TRPM7: variants seen among roughly 807,000 people sequenced by gnomAD.
TRPM7 encodes LTRPC ion channel family member 7.
TRPM7 carries 134 observed loss-of-function variants against 229.7 expected under a neutral mutation model. The ratio of observed to expected loss-of-function variants is 0.58; its 90% confidence interval spans 0.51 to 0.67. The LOEUF (loss-of-function observed/expected upper bound fraction) is 0.67. TRPM7 is among the 30% of genes least tolerant of loss of function. The pLI is 0.00. For missense variants in TRPM7, 1,901 were observed against 2,210.0 expected, an observed-to-expected ratio of 0.86 and a Z score of 2.80; for synonymous variants, 699 against 715.2, an observed-to-expected ratio of 0.98 and a Z score of 0.36.
intron 31 of TRPM7, among the ~76,000 whole-genome samples, chr15:50,576,214 A>G (rs2141515404): frequency 6.6e-6 from 1 of 152,252 alleles, no homozygotes; most frequent in East Asian, 1.9e-4. Flanking sequence ...AGAAAGAAAA[A>G]TCTCTCTTTG....
At chr15:50,590,816 T>G (rs2059469600) in intron 26 of TRPM7, among the ~76,000 whole-genome samples, 1 of 134,036 alleles carries the variant, frequency 7.5e-6, no homozygotes. Context: ...AGAGGGAGAC[T>G]CCGTCTTTTA....
At chr15:50,657,883 T>C in intron 2 of TRPM7, 64 bp from the exon 3 acceptor site, 5 of 1,296,680 alleles carry the variant, frequency 3.9e-6, no homozygotes, top group East Asian at 2.5e-5. Flanking sequence ...TTAAAGTATA[T>C]AAAATACATA....
At chr15:50,599,368 A>C (rs1482158344) in intron 21 of TRPM7, 72 bp from the exon 22 acceptor site, 3 of 1,189,038 alleles carry the variant, frequency 2.5e-6, no homozygotes, top group Admixed American at 5.0e-5. Context: ...AAAAGCTTCT[A>C]ATGTTCTAAT....
chr15:50,590,210 A>T (rs2059452090), intron 26 of TRPM7, among the ~76,000 whole-genome samples: 1 of 152,080 alleles, frequency 6.6e-6, no homozygotes, highest in Non-Finnish European at 1.5e-5. Flanking sequence ...TATAAAACAA[A>T]CCAACATGTG....
intron 9 of TRPM7, 79 bp downstream of exon 9, chr15:50,632,790 T>C: frequency 7.6e-7 from 1 of 1,310,548 alleles, no homozygotes; most frequent in Non-Finnish European, 1.0e-6. Flanking sequence ...AACAAAAGTA[T>C]TTCACCAGTT....
At chr15:50,679,539 T>TATATTATATATATA (rs1491586861) in intron 1 of TRPM7, among the ~76,000 whole-genome samples, 2 of 22,306 alleles carry the variant, frequency 9.0e-5, no homozygotes, top group Non-Finnish European at 1.6e-4. Context: ...TATATATATA[T>TATATTATATATATA]TTTTTTTTTT....
intron 22 of TRPM7, among the ~76,000 whole-genome samples, chr15:50,598,816 C>T (rs866372883): frequency 6.6e-5 from 10 of 152,270 alleles, no homozygotes; most frequent in Non-Finnish European, 1.0e-4. Context: ...GTGTCCTTAG[C>T]TATGAATTAA....
chr15:50,578,652 T>C lies in TRPM7; in HGVS notation c.4605A>G (p.Glu1535=). The C allele has an allele frequency of 6.2e-7, 1 of 1,609,802 alleles. No homozygotes were observed. Among genetic ancestry groups the C allele is most frequent in the Non-Finnish European group, 8.5e-7 (1 of 1,177,452 alleles). ...ACACAGACTCACCATTTAATGTTCC[T>C]TCTTCAGATGGCCTAAAGAAACACC... ...RPSNREMPSE[E]GTLNGLTSPF... Residue 1535 remains glutamate (E), a synonymous_variant, in exon 31 of 39, where the codon GAA becomes GAG. Coordinates refer to ENST00000646667, the MANE Select transcript of TRPM7 (RefSeq NM_017672.6).
In TRPM7 at chr15:50,558,790, G is replaced by A. The variant is rs1468396881; in HGVS notation, c.*2888C>T. 1 of 152,108 alleles carries A rather than the reference G, an allele frequency of 6.6e-6. No individual in the cohort carries two copies. Among genetic ancestry groups the A allele is most frequent in the Non-Finnish European group, 1.5e-5 (1 of 68,078 alleles). The allele number at this position is 152,108 out of a possible 1,614,324, so 9.4% of individuals were successfully genotyped here. Reference sequence around the variant, plus strand: ...TGCCTGTGGTTCCACCTAATCAAGAGGCAGTGGCAGGAGGATTGCTTGAGC... The same window carrying A: ...TGCCTGTGGTTCCACCTAATCAAGAAGCAGTGGCAGGAGGATTGCTTGAGC... On this transcript the variant is annotated 3_prime_UTR_variant, in exon 39 of 39. Transcript: ENST00000646667.
At chr15:50,659,460 A>G (rs1394874885) in intron 2 of TRPM7, among the ~76,000 whole-genome samples, 1 of 152,170 alleles carries the variant, frequency 6.6e-6, no homozygotes, top group Non-Finnish European at 1.5e-5. Flanking sequence ...ACCAAGTGTC[A>G]ATTACCTATT....
chr15:50,657,759 G>T, intron 3 of TRPM7, 22 bp downstream of exon 3: 2 of 1,602,410 alleles, frequency 1.2e-6, no homozygotes, highest in South Asian at 2.2e-5. Flanking sequence ...AAATTTGTGC[G>T]GTATAGTTAT....
At chr15:50,626,161 A>G (rs893575577) in intron 11 of TRPM7, among the ~76,000 whole-genome samples, 8 of 152,120 alleles carry the variant, frequency 5.3e-5, no homozygotes, top group Admixed American at 6.5e-5. Context: ...CTGACTTATT[A>G]TGTGTTTTAT....
chr15:50,584,785 A>G (rs1012712945), intron 28 of TRPM7, among the ~76,000 whole-genome samples: 2 of 152,170 alleles, frequency 1.3e-5, no homozygotes, highest in African/African-American at 4.8e-5. Context: ...CCATATAAGC[A>G]TACTAACTTA....
intron 22 of TRPM7, among the ~76,000 whole-genome samples, 161 bp downstream of exon 22, chr15:50,598,961 A>C (rs1372843843): frequency 6.6e-6 from 1 of 152,206 alleles, no homozygotes; most frequent in African/African-American, 2.4e-5. Context: ...TTTTTCTTCC[A>C]ATTAATTTGT....
chr15:50,662,308 C>CA (rs2061744427), intron 2 of TRPM7, among the ~76,000 whole-genome samples: 1 of 141,804 alleles, frequency 7.1e-6, no homozygotes, highest in African/African-American at 2.7e-5. Flanking sequence ...GCCTGGACGA[C>CA]AGAGCAAGAC....
chr15:50,560,372 A>G lies in TRPM7; in HGVS notation c.*1306T>C, dbSNP rs977347510. On this transcript the variant is annotated 3_prime_UTR_variant, in exon 39 of 39. Transcript: ENST00000646667. ...CGTATATAGTATCTTTAAGTAATAC[A>G]CTTTTTCTTTCTCCCCACCCCCAAT... 5.2e-5 allele frequency: 8 copies of G among 152,558 alleles called. No homozygotes were observed. The highest frequency in any genetic ancestry group is 1.9e-4 in the African/African-American group (8 of 41,440). 9.5% of individuals were successfully genotyped at this position (152,558 alleles called of 1,614,324 possible). A position where few individuals can be genotyped will look rare whatever the true frequency, so the allele number is the denominator to read the frequency against.
chr15:50,627,033 G>A (rs966333985), intron 11 of TRPM7, among the ~76,000 whole-genome samples: 2 of 152,102 alleles, frequency 1.3e-5, no homozygotes, highest in Non-Finnish European at 2.9e-5. Context: ...GGACAAAAAG[G>A]ATCTAGTTTG....
In TRPM7 at chr15:50,574,980, A is replaced by G; in HGVS notation, c.4891T>C (p.Cys1631Arg). 6.2e-7 allele frequency: 1 copy of G among 1,614,152 alleles called. No homozygotes were observed. The highest frequency in any genetic ancestry group is 8.5e-7 in the Non-Finnish European group (1 of 1,180,008). The change falls in exon 34 of 39, where the codon TGT (cysteine) becomes CGT (arginine). Residue 1631 changes from cysteine (C) to arginine (R), a missense_variant. This residue lies in a region of TRPM7 where 257 missense variants were observed against 352.0 expected (regional missense o/e 0.73). Transcript: ENST00000646667. ...GGLRRAVKVQ[C>R]TWSEHDILKS... ...AGGATATCATGTTCTGACCAGGTAC[A>G]CTGTACTTTGACAGCTCTTCGTAAA...
rs538001649 is a variant in TRPM7 at position 50,627,644 on chromosome 15, G to A, written c.1305+505C>T. Among the ~76,000 whole-genome samples the A allele has an allele frequency of 5.9e-5, 9 of 152,210 alleles. No homozygotes were observed. The East Asian group carries it at 1.2e-3, about 20-fold the overall frequency. On this transcript the variant is annotated intron_variant, in intron 11 of 38. Coordinates refer to ENST00000646667, the MANE Select transcript of TRPM7 (RefSeq NM_017672.6). ...TAGTGAAACCAAAAAGTATGCTACC[G>A]AAATAACACAAAAGAAGGATGACAG... is the stretch of plus-strand genomic sequence containing the variant.
Sources: gnomAD v4.1 joint callset for allele counts (sites outside exome capture counted in the v4.1 genomes callset) on GRCh38, gnomAD v4.1.1 for gene constraint, gnomAD v4.1.1 regional missense constraint, MANE v1.5 for transcripts, NCBI Gene and HGNC (gene_info 2026-07-23, HGNC 2026-07-21) for gene names.